The following AGBL4 variants were observed in gnomAD, a reference collection of about 807,000 sequenced individuals.
The protein encoded by AGBL4 is AGBL carboxypeptidase 4.
In AGBL4, 58 loss-of-function variants were observed where a neutral mutation model predicts 66.4. The observed-to-expected ratio is 0.87, with a 90% CI of 0.71 to 1.09. The LOEUF (loss-of-function observed/expected upper bound fraction) is 1.09, where lower values mean the gene tolerates loss of function less well. Among genes scored for constraint, AGBL4 ranks in the 50% least tolerant of loss-of-function variants. AGBL4 has a pLI of 0.00. For missense variants in AGBL4, 579 were observed against 631.0 expected (o/e 0.92, Z 0.88); for synonymous variants, 234 against 222.9 (o/e 1.05, Z -0.44).
intron 2 of AGBL4, among the ~76,000 whole-genome samples, chr1:49,837,915 T>A (rs1439548028): frequency 6.6e-6 from 1 of 152,150 alleles, no homozygotes; most frequent in Non-Finnish European, 1.5e-5. Context: ...AGCCCTGAGC[T>A]ATTGGAAGCA....
chr1:49,207,877 T>C (rs1009877509), intron 4 of AGBL4, among the ~76,000 whole-genome samples: 3 of 151,954 alleles, frequency 2.0e-5, no homozygotes, highest in Non-Finnish European at 4.4e-5. Flanking sequence ...CTCAACCTCA[T>C]TCCTGCTCTT....
At chr1:49,137,321 G>A in intron 4 of AGBL4, among the ~76,000 whole-genome samples, 1 of 152,118 alleles carries the variant, frequency 6.6e-6, no homozygotes. Context: ...AAGACTGATT[G>A]TATACGAAAA....
chr1:49,749,166 A>G (rs1651247153), intron 2 of AGBL4, among the ~76,000 whole-genome samples: 1 of 152,096 alleles, frequency 6.6e-6, no homozygotes, highest in African/African-American at 2.4e-5. Context: ...CTTTTAATCT[A>G]TCTGGAGTTA....
At chr1:49,914,087 C>G (rs1440736212) in intron 1 of AGBL4, among the ~76,000 whole-genome samples, 2 of 152,192 alleles carry the variant, frequency 1.3e-5, no homozygotes, top group African/African-American at 4.8e-5. Flanking sequence ...AAAGTATTTC[C>G]TGGCCACACC....
intron 5 of AGBL4, among the ~76,000 whole-genome samples, chr1:48,898,879 A>G (rs964250026): frequency 6.6e-6 from 1 of 152,216 alleles, no homozygotes; most frequent in Non-Finnish European, 1.5e-5. Flanking sequence ...AATTTTGTCA[A>G]GAGCGTCGCT....
intron 3 of AGBL4, among the ~76,000 whole-genome samples, chr1:49,477,033 T>C (rs2148720569): frequency 6.6e-6 from 1 of 152,118 alleles, no homozygotes; most frequent in Non-Finnish European, 1.5e-5. Flanking sequence ...ATGATTTGAG[T>C]GTCAGATAGG....
At chr1:48,622,726 C>T (rs1204186504) in intron 9 of AGBL4, among the ~76,000 whole-genome samples, 2 of 152,072 alleles carry the variant, frequency 1.3e-5, no homozygotes, top group Non-Finnish European at 1.5e-5. Flanking sequence ...TCTGGTGATC[C>T]ACCCGCCTTG....
At chr1:49,740,835 AT>A (rs1408195013) in intron 2 of AGBL4, among the ~76,000 whole-genome samples, 6 of 152,234 alleles carry the variant, frequency 3.9e-5, no homozygotes, top group Non-Finnish European at 5.9e-5. Flanking sequence ...AGAAATAAAG[AT>A]GTTCTTTGAA....
At chr1:48,591,115 T>G in intron 9 of AGBL4, 130 bp from the exon 10 acceptor site, 2 of 664,576 alleles carry the variant, frequency 3.0e-6, no homozygotes, top group Non-Finnish European at 4.4e-6. Flanking sequence ...CACACACACA[T>G]CAAGCTGACC....
chr1:49,325,057 C>G (rs1645202237), intron 3 of AGBL4, among the ~76,000 whole-genome samples: 1 of 152,206 alleles, frequency 6.6e-6, no homozygotes, highest in Non-Finnish European at 1.5e-5. Flanking sequence ...GAGTCTCGCT[C>G]TGTCACCCAG....
At chr1:49,497,617 C>T (rs1647725553) in intron 3 of AGBL4, among the ~76,000 whole-genome samples, 1 of 151,830 alleles carries the variant, frequency 6.6e-6, no homozygotes, top group Non-Finnish European at 1.5e-5. Flanking sequence ...TCCAGTTTTC[C>T]CAATACCATT....
intron 5 of AGBL4, among the ~76,000 whole-genome samples, chr1:48,992,462 G>A (rs1660672437): frequency 6.6e-6 from 1 of 152,018 alleles, no homozygotes; most frequent in Non-Finnish European, 1.5e-5. Context: ...CTTGCCCAAG[G>A]TCCACTGTAA....
intron 6 of AGBL4, among the ~76,000 whole-genome samples, chr1:48,799,940 G>C (rs186499361): frequency 6.6e-6 from 1 of 152,148 alleles, no homozygotes; most frequent in Non-Finnish European, 1.5e-5. Context: ...GTTCATCAGA[G>C]ATATTGGTCT....
chr1:49,132,667 T>G (rs1312716331), intron 4 of AGBL4, among the ~76,000 whole-genome samples: 1 of 152,016 alleles, frequency 6.6e-6, no homozygotes, highest in Non-Finnish European at 1.5e-5. Context: ...TAAAAGAAAA[T>G]GCAAATCAAA....
At chr1:49,453,254 C>A (rs950562) in intron 3 of AGBL4, among the ~76,000 whole-genome samples, 79,830 of 151,550 alleles carry the variant, frequency 0.53, 22,490 homozygotes, top group Non-Finnish European at 0.62. Flanking sequence ...TATATCCTTG[C>A]TAAGCCATTA....
chr1:48,763,450 T>G (rs1644374701), intron 6 of AGBL4, among the ~76,000 whole-genome samples: 1 of 152,120 alleles, frequency 6.6e-6, no homozygotes, highest in Non-Finnish European at 1.5e-5. Flanking sequence ...CAGATGAAAT[T>G]ATCTTGCAAT....
chr1:49,295,913 A>G (rs1644635100), intron 3 of AGBL4, among the ~76,000 whole-genome samples: 1 of 152,218 alleles, frequency 6.6e-6, no homozygotes, highest in Non-Finnish European at 1.5e-5. Flanking sequence ...TTGGAGTCAT[A>G]GTAGTGACTC....
At chr1:48,525,221 C>T in the AGBL4 span, among the ~76,000 whole-genome samples, 7 of 152,134 alleles carry the variant, frequency 4.6e-5, no homozygotes, top group Non-Finnish European at 8.8e-5. Flanking sequence ...GGTAAGAGAG[C>T]TGATACACAA....
intron 5 of AGBL4, among the ~76,000 whole-genome samples, chr1:49,018,744 A>G (rs1233846646): frequency 6.6e-6 from 1 of 152,094 alleles, no homozygotes; most frequent in Admixed American, 6.5e-5. Context: ...CACCTACAAC[A>G]TTCAACTAAT....
Sources: allele counts gnomAD v4.1 joint callset (sites outside exome capture counted in the v4.1 genomes callset), GRCh38; gene constraint gnomAD v4.1.1; transcripts MANE v1.5; gene names NCBI Gene and HGNC (gene_info 2026-07-23, HGNC 2026-07-21).